The following SYNDIG1 variants were observed in gnomAD, a reference collection of about 807,000 sequenced individuals.
SYNDIG1 encodes synapse differentiation-inducing gene protein 1.
In SYNDIG1, 9 loss-of-function variants were observed where a neutral mutation model predicts 19.4. That is an observed-to-expected ratio of 0.46 (90% CI 0.28 to 0.81). The LOEUF (loss-of-function observed/expected upper bound fraction) is 0.81. SYNDIG1 is among the 30% of genes least tolerant of loss of function. SYNDIG1 has a pLI of 0.12. For missense variants in SYNDIG1, 311 were observed against 343.3 expected, an observed-to-expected ratio of 0.91 and a Z score of 0.74; for synonymous variants, 141 against 145.9, an observed-to-expected ratio of 0.97 and a Z score of 0.24.
At chr20:24,526,383 A>G (rs1225864549) in intron 1 of SYNDIG1, among the ~76,000 whole-genome samples, 1 of 152,112 alleles carries the variant, frequency 6.6e-6, no homozygotes. Context: ...GAATGATTAG[A>G]AATGTTTCCA....
intron 1 of SYNDIG1, among the ~76,000 whole-genome samples, chr20:24,531,783 A>G (rs2057265749): frequency 6.6e-6 from 1 of 152,222 alleles, no homozygotes; most frequent in East Asian, 1.9e-4. Context: ...GTGCAGGTGG[A>G]GCATGAAATT....
At chr20:24,536,129 C>A (rs113697150) in intron 1 of SYNDIG1, among the ~76,000 whole-genome samples, 1 of 152,164 alleles carries the variant, frequency 6.6e-6, no homozygotes, top group Non-Finnish European at 1.5e-5. Flanking sequence ...GCAGTGCAGC[C>A]GCGATGACTT....
intron 3 of SYNDIG1, among the ~76,000 whole-genome samples, chr20:24,648,252 G>A (rs1406755335): frequency 6.6e-6 from 1 of 152,210 alleles, no homozygotes; most frequent in Non-Finnish European, 1.5e-5. Flanking sequence ...CTTCACTGAA[G>A]CCCCTCTCTT....
chr20:24,579,270 A>T (rs1284882914), intron 2 of SYNDIG1, among the ~76,000 whole-genome samples: 5 of 152,088 alleles, frequency 3.3e-5, no homozygotes, highest in African/African-American at 1.2e-4. Flanking sequence ...ATCACAAGTG[A>T]TGGCAAGATG....
At chr20:24,613,407 G>A (rs542463989) in intron 3 of SYNDIG1, among the ~76,000 whole-genome samples, 1 of 152,256 alleles carries the variant, frequency 6.6e-6, no homozygotes, top group East Asian at 1.9e-4. Context: ...CCCAGATTTG[G>A]TGCAGTCTCC....
intron 3 of SYNDIG1, among the ~76,000 whole-genome samples, chr20:24,640,044 G>A (rs2059355404): frequency 6.6e-6 from 1 of 152,098 alleles, no homozygotes. Context: ...TAAGAAATAA[G>A]CTCTTCTGGC....
At position 24,658,061 on chromosome 20, in the gene SYNDIG1, C is replaced by T. The variant is rs2038059907; in HGVS notation, c.619-7285C>T. Among the ~76,000 whole-genome samples the T allele has an allele frequency of 2.0e-5, 3 of 152,046 alleles. No individual in the cohort carries two copies. Among genetic ancestry groups the T allele is most frequent in the South Asian group, 4.2e-4 (2 of 4,814 alleles). The stretch of plus-strand genomic sequence containing the variant: ...GGCCCCGGTCCATGGATGACGGGGA[C>T]TGTGGAAACAGCGACCTTGCCCCTA... On this transcript the variant is annotated intron_variant, in intron 3 of 3. Coordinates refer to ENST00000376862, the MANE Select transcript of SYNDIG1 (RefSeq NM_024893.3). This position sits in a 1 kb window ranked among gnomAD's most constrained non-coding sequence, Gnocchi z 4.4.
intron 1 of SYNDIG1, among the ~76,000 whole-genome samples, chr20:24,512,780 G>A (rs191461337): frequency 1.3e-5 from 2 of 152,290 alleles, no homozygotes; most frequent in East Asian, 3.9e-4. Flanking sequence ...AGAAAGTAGT[G>A]GTTCTCCCAG....
chr20:24,562,907 A>G (rs1274985496), intron 2 of SYNDIG1, among the ~76,000 whole-genome samples: 2 of 151,920 alleles, frequency 1.3e-5, no homozygotes, highest in African/African-American at 4.8e-5. Context: ...TGGAGCTATG[A>G]GTGAAATACC....
chr20:24,599,991 G>A (rs1035278666), intron 3 of SYNDIG1, among the ~76,000 whole-genome samples: 3 of 152,298 alleles, frequency 2.0e-5, no homozygotes, highest in Admixed American at 6.5e-5. Flanking sequence ...ACCCTGACTT[G>A]ATCACTACAC....
intron 3 of SYNDIG1, among the ~76,000 whole-genome samples, chr20:24,639,590 C>G (rs115724932): frequency 6.6e-6 from 1 of 152,068 alleles, no homozygotes; most frequent in Non-Finnish European, 1.5e-5. Flanking sequence ...GAGTTGTCGG[C>G]GTGATGTTGA....
chr20:24,556,206 C>T (rs539118962), intron 2 of SYNDIG1, among the ~76,000 whole-genome samples: 60 of 152,202 alleles, frequency 3.9e-4, no homozygotes, highest in Non-Finnish European at 5.6e-4. Flanking sequence ...TGTCTCTGCA[C>T]GTGAGATGGG....
chr20:24,665,226 CT>C lies in SYNDIG1; in HGVS notation c.619-119del, dbSNP rs1483698686. The stretch of plus-strand genomic sequence containing the variant: ...TAGCAGGGGTGAGCACAGTTTCCCC[CT>C]CAGCCTTCTCTGCATCAACAATGCC... On this transcript the variant is annotated intron_variant, in intron 3 of 3. Transcript: ENST00000376862. 9 of 1,267,616 alleles carry C rather than the reference CT, an allele frequency of 7.1e-6. No homozygotes were observed. In the Admixed American group the frequency reaches 9.3e-5, roughly 13 times the overall value. The allele number at this position is 1,267,616 out of a possible 1,614,324, so 78.5% of individuals were successfully genotyped here.
intron 1 of SYNDIG1, among the ~76,000 whole-genome samples, chr20:24,496,081 G>A (rs916075436): frequency 6.6e-6 from 1 of 152,076 alleles, no homozygotes; most frequent in African/African-American, 2.4e-5. Context: ...TCCTGACCTC[G>A]TGATCAGCCC....
intron 1 of SYNDIG1, among the ~76,000 whole-genome samples, chr20:24,497,361 C>T (rs538480336): frequency 4.1e-4 from 62 of 152,110 alleles, no homozygotes; most frequent in Non-Finnish European, 6.2e-4. Flanking sequence ...CCACCAAGCC[C>T]GGCTAATTTT....
rs146041861 is a variant in SYNDIG1, at chr20:24,564,654, A to T, written c.481-20202A>T. ...GTCCTTACAGATGAAGAACAAGCTC[A>T]TCGATCTTTAATGGACTTGGTACAA... On this transcript the variant is annotated intron_variant, in intron 2 of 3. Coordinates refer to ENST00000376862, the MANE Select transcript of SYNDIG1 (RefSeq NM_024893.3). Among the ~76,000 whole-genome samples, 1,361 of 152,338 alleles carry T rather than the reference A, an allele frequency of 8.9e-3. 28 individuals are homozygous for T. Among genetic ancestry groups the T allele is most frequent in the African/African-American group, 0.031 (1,294 of 41,582 alleles).
At chr20:24,476,382 T>G (rs1008015653) in intron 1 of SYNDIG1, among the ~76,000 whole-genome samples, 1 of 152,046 alleles carries the variant, frequency 6.6e-6, no homozygotes, top group Non-Finnish European at 1.5e-5. Flanking sequence ...AAGCTGTGGA[T>G]ATTGGCCGGG....
At chr20:24,552,588 C>T (rs1247052379) in intron 2 of SYNDIG1, among the ~76,000 whole-genome samples, 1 of 151,812 alleles carries the variant, frequency 6.6e-6, no homozygotes, top group Non-Finnish European at 1.5e-5. Flanking sequence ...CAATAGTTTA[C>T]TGAGAATGAT....
intron 3 of SYNDIG1, among the ~76,000 whole-genome samples, chr20:24,629,322 G>A (rs1409054997): frequency 6.6e-6 from 1 of 152,184 alleles, no homozygotes; most frequent in Non-Finnish European, 1.5e-5. Context: ...CCCTTGGGGA[G>A]ACTTCCTCAG....
Sources: allele counts gnomAD v4.1 joint callset (sites outside exome capture counted in the v4.1 genomes callset), GRCh38; gene constraint gnomAD v4.1.1; non-coding constraint Gnocchi (gnomAD v3.1); transcripts MANE v1.5; gene names NCBI Gene and HGNC (gene_info 2026-07-23, HGNC 2026-07-21).